RFX7: variants seen among roughly 807,000 people sequenced by gnomAD.
The protein encoded by RFX7 is regulatory factor X7, also known as DNA-binding protein RFX7.
Under a neutral mutation model 111.8 loss-of-function variants are expected in RFX7, and 26 were observed. That is an observed-to-expected ratio of 0.23 (90% confidence interval 0.17 to 0.32). The LOEUF (loss-of-function observed/expected upper bound fraction) is 0.32. RFX7 is among the 10% of genes least tolerant of loss of function. RFX7 has a pLI of 1.00. For missense variants in RFX7, 1,573 were observed against 1,772.9 expected (o/e 0.89, Z 2.02); for synonymous variants, 624 against 624.4 (o/e 1.00, Z 0.01).
At chr15:56,197,804 G>T (rs2043159421) in intron 2 of RFX7, among the ~76,000 whole-genome samples, 1 of 152,106 alleles carries the variant, frequency 6.6e-6, no homozygotes, top group Admixed American at 6.5e-5. Context: ...GATTCAAGGG[G>T]TGGACTGCAG....
chr15:56,219,248 C>A (rs1376062544), intron 2 of RFX7, among the ~76,000 whole-genome samples: 1 of 152,190 alleles, frequency 6.6e-6, no homozygotes, highest in East Asian at 1.9e-4. Flanking sequence ...CACTTTATCA[C>A]TGGCAATAAT....
At chr15:56,207,451 A>G (rs1468590715) in intron 2 of RFX7, among the ~76,000 whole-genome samples, 1 of 152,210 alleles carries the variant, frequency 6.6e-6, no homozygotes, top group Non-Finnish European at 1.5e-5. Context: ...GCATTTTACT[A>G]TAATTAAAAC....
chr15:56,093,580 T>C lies in RFX7; in HGVS notation c.4148A>G (p.Asp1383Gly), dbSNP rs1442909855. Residue 1383 changes from aspartate (D) to glycine (G), a missense_variant, in exon 10 of 10, where the codon GAT becomes GGT. Asp to Gly is a moderately conservative substitution (Grantham distance 94). Transcript: ENST00000559447. Reference sequence around the variant, plus strand: ...TGAGAGCTCAGAAGACAACCTGATATCGCTAGAGAAATCAGATGCAGTATT... The same window carrying C: ...TGAGAGCTCAGAAGACAACCTGATACCGCTAGAGAAATCAGATGCAGTATT... ...LTNTASDFSS[D>G]IRLSSELSGS... 1.2e-6 allele frequency: 2 copies of C among 1,613,658 alleles called. No individual in the cohort carries two copies. The highest frequency in any genetic ancestry group is 1.7e-5 in the Admixed American group (1 of 59,976).
chr15:56,163,784 G>T (rs1316347579), intron 3 of RFX7, among the ~76,000 whole-genome samples: 2 of 152,126 alleles, frequency 1.3e-5, no homozygotes, highest in Non-Finnish European at 2.9e-5. Context: ...CGTTGTAATG[G>T]CAGCTAAAGC....
chr15:56,110,875 T>C (rs868814910), intron 5 of RFX7, among the ~76,000 whole-genome samples: 217 of 3,778 alleles, frequency 0.057, 63 homozygotes, highest in African/African-American at 0.06. Flanking sequence ...CCCGGCCAGC[T>C]GCCCCGTCCG....
chr15:56,195,654 G>A (rs2043140614), intron 2 of RFX7, among the ~76,000 whole-genome samples: 3 of 152,248 alleles, frequency 2.0e-5, no homozygotes, highest in Non-Finnish European at 2.9e-5. Flanking sequence ...ATGGCACCCT[G>A]CTTTACTTTA....
At position 56,093,499 on chromosome 15, in the gene RFX7, C is replaced by A; in HGVS notation, c.4229G>T (p.Arg1410Leu). ...LDPNLLFDPG[R>L]QQGQDDEATL... ...AGCTTCATCATCTTGTCCCTGCTGACGACCTGGATCAAACAGTAGATTTGG... is the reference window on the plus strand; with the variant it reads ...AGCTTCATCATCTTGTCCCTGCTGAAGACCTGGATCAAACAGTAGATTTGG... Residue 1410 changes from arginine to leucine, a missense_variant, in exon 10 of 10, where the codon CGT becomes CTT. Coordinates refer to ENST00000559447, the MANE Select transcript of RFX7 (RefSeq NM_022841.7). The A allele has an allele frequency of 6.2e-7, 1 of 1,613,884 alleles. No homozygotes were observed. Among genetic ancestry groups the A allele is most frequent in the Non-Finnish European group, 8.5e-7 (1 of 1,179,840 alleles).
chr15:56,123,474 TCTC>T (rs778116795), intron 5 of RFX7, among the ~76,000 whole-genome samples: 1 of 152,074 alleles, frequency 6.6e-6, no homozygotes, highest in African/African-American at 2.4e-5. Flanking sequence ...TTCCTTCTCC[TCTC>T]CTCAAGTGGA....
At chr15:56,242,120 T>G (rs1323756125) in intron 2 of RFX7, among the ~76,000 whole-genome samples, 1 of 152,238 alleles carries the variant, frequency 6.6e-6, no homozygotes, top group Non-Finnish European at 1.5e-5. Context: ...CTGCAAAGAT[T>G]TCATTTCCAT....
intron 2 of RFX7, among the ~76,000 whole-genome samples, chr15:56,186,020 A>T (rs1245293013): frequency 5.3e-5 from 8 of 152,214 alleles, no homozygotes; most frequent in Non-Finnish European, 7.4e-5. Flanking sequence ...ACCAATTTGT[A>T]TACGGATTTA....
At chr15:56,127,113 T>TA (rs1293286932) in intron 5 of RFX7, among the ~76,000 whole-genome samples, 2 of 151,782 alleles carry the variant, frequency 1.3e-5, no homozygotes, top group South Asian at 2.1e-4. Context: ...TAATACATTT[T>TA]AAAAAAAACT....
At chr15:56,131,977 A>T (rs1595950563) in intron 5 of RFX7, among the ~76,000 whole-genome samples, 1 of 152,118 alleles carries the variant, frequency 6.6e-6, no homozygotes, top group African/African-American at 2.4e-5. Context: ...TTTCATATTT[A>T]TTCATTTTTT....
intron 9 of RFX7, 135 bp downstream of exon 9, chr15:56,097,946 G>C: frequency 1.5e-6 from 1 of 678,440 alleles, no homozygotes; most frequent in Non-Finnish European, 2.5e-6. Context: ...AGACTGAAGG[G>C]GAATGAATCT....
Position 56,120,005 on chromosome 15 carries a change from T to A in RFX7, c.402-16335A>T, listed in dbSNP as rs80122604. Among the ~76,000 whole-genome samples, 885 of 152,258 alleles carry A rather than the reference T, an allele frequency of 5.8e-3. 24 individuals are homozygous for A. In the East Asian group the frequency reaches 0.06, roughly 10 times the overall value. ...GCTACTCTGGCTATCTCTTTTAATA[T>A]AAATTTGGGATAGTTTTTTCTATAA... On this transcript the variant is annotated intron_variant, in intron 5 of 9. Transcript: ENST00000559447.
rs1234430471 is a variant in RFX7, at chr15:56,093,627, A to T, written c.4101T>A (p.Gly1367=). Residue 1367 remains glycine, a synonymous_variant, in exon 10 of 10, where the codon GGT becomes GGA. Transcript: ENST00000559447. ...TATTAGTGAGATCAGATGCTCCCTG[A>T]CCTACCAGCTGCTGGTTGGTTTGCA... The part of the protein sequence containing the change: ...DSLQTNQQLV[G]QGASDLTNTA... 5 of 1,613,704 alleles carry T rather than the reference A, an allele frequency of 3.1e-6. No homozygotes were observed. The highest frequency in any genetic ancestry group is 1.7e-5 in the Admixed American group (1 of 59,974).
chr15:56,101,746 G>A (rs912689444), intron 7 of RFX7, among the ~76,000 whole-genome samples, 180 bp from the exon 8 acceptor site: 5 of 152,172 alleles, frequency 3.3e-5, no homozygotes, highest in Admixed American at 1.3e-4. Context: ...ATACCCACTA[G>A]TGCACAGCAG....
At chr15:56,160,724 A>G (rs2042710512) in intron 3 of RFX7, 1 of 152,062 alleles carries the variant, frequency 6.6e-6, no homozygotes, top group Non-Finnish European at 1.5e-5. Context: ...ACCTGATATT[A>G]TATTCTCTCA....
chr15:56,238,571 A>G (rs182669559), intron 2 of RFX7, among the ~76,000 whole-genome samples: 21 of 152,306 alleles, frequency 1.4e-4, no homozygotes, highest in African/African-American at 4.3e-4. Flanking sequence ...AAAGTGGGCA[A>G]AACGATAGAT....
chr15:56,235,179 G>GTTT (rs200007759), intron 2 of RFX7, among the ~76,000 whole-genome samples: 5 of 145,632 alleles, frequency 3.4e-5, no homozygotes, highest in African/African-American at 1.3e-4. Context: ...CTCGTTTGTT[G>GTTT]TTTTTTTTTT....
Sources: gnomAD v4.1 joint callset for allele counts (sites outside exome capture counted in the v4.1 genomes callset) on GRCh38, gnomAD v4.1.1 for gene constraint, MANE v1.5 for transcripts, NCBI Gene and HGNC (gene_info 2026-07-23, HGNC 2026-07-21) for gene names.